Variants in KHDRBS2 observed in about 807,000 individuals in gnomAD.
KHDRBS2 encodes KH domain-containing, RNA-binding, signal transduction-associated protein 2.
KHDRBS2 carries 26 observed loss-of-function variants against 44.3 expected under a neutral mutation model. That is an observed-to-expected ratio of 0.59 (90% CI 0.43 to 0.81). The LOEUF (loss-of-function observed/expected upper bound fraction) is 0.81. KHDRBS2 is among the 40% of genes least tolerant of loss of function. The pLI is 0.00. For synonymous variants in KHDRBS2, 194 were observed against 151.1 expected (o/e 1.28, Z -2.08); for missense variants, 476 against 433.1 (o/e 1.10, Z -0.88).
At chr6:61,993,869 A>T (rs1776665328) in intron 3 of KHDRBS2, among the ~76,000 whole-genome samples, 1 of 151,948 alleles carries the variant, frequency 6.6e-6, no homozygotes. Context: ...TCTTAAGGAA[A>T]CAAAAGATTT....
intron 6 of KHDRBS2, among the ~76,000 whole-genome samples, chr6:61,746,191 GT>G (rs1375773365): frequency 6.6e-6 from 1 of 152,094 alleles, no homozygotes; most frequent in Non-Finnish European, 1.5e-5. Context: ...AGATAAAATT[GT>G]TAATGCTGTC....
At chr6:62,111,714 T>C (rs146966043) in intron 2 of KHDRBS2, among the ~76,000 whole-genome samples, 1 of 152,158 alleles carries the variant, frequency 6.6e-6, no homozygotes, top group African/African-American at 2.4e-5. Context: ...AGACCCTATA[T>C]CTACAAAAAA....
At chr6:62,052,064 G>GA (rs1219126739) in intron 2 of KHDRBS2, among the ~76,000 whole-genome samples, 2 of 151,960 alleles carry the variant, frequency 1.3e-5, no homozygotes, top group Admixed American at 1.3e-4. Context: ...ACCCAGTACA[G>GA]AAAATCCTAT....
the KHDRBS2 span, among the ~76,000 whole-genome samples, chr6:61,626,721 G>T: frequency 6.6e-6 from 1 of 152,150 alleles, no homozygotes; most frequent in Non-Finnish European, 1.5e-5. Flanking sequence ...TCTATGTTCG[G>T]GTGGCTTTTC....
intron 2 of KHDRBS2, among the ~76,000 whole-genome samples, chr6:62,067,828 G>A (rs1166235845): frequency 7.3e-5 from 11 of 151,452 alleles, no homozygotes; most frequent in Admixed American, 2.0e-4. Flanking sequence ...TTTAAATACG[G>A]TCGTACAACA....
intron 3 of KHDRBS2, among the ~76,000 whole-genome samples, chr6:62,029,263 A>T (rs151251629): frequency 6.6e-6 from 1 of 152,088 alleles, no homozygotes; most frequent in Non-Finnish European, 1.5e-5. Flanking sequence ...GGAATACAGT[A>T]ACAAAATTTA....
At chr6:61,617,565 A>C in the KHDRBS2 span, among the ~76,000 whole-genome samples, 1 of 152,146 alleles carries the variant, frequency 6.6e-6, no homozygotes, top group Non-Finnish European at 1.5e-5. Context: ...GATTAGAATT[A>C]AATGTTAAAA....
rs1582770757 is a variant in KHDRBS2, at chr6:61,775,509, G to C, written c.811-42745C>G. ...CTTATACAGCAATAACAGACAAACA[G>C]AGAGCCAAATCATGAGTGAACTCCC... On this transcript the variant is annotated intron_variant, in intron 6 of 8. Coordinates refer to ENST00000281156, the MANE Select transcript of KHDRBS2 (RefSeq NM_152688.4). Among the ~76,000 whole-genome samples, 3 of 152,188 alleles carry C rather than the reference G, an allele frequency of 2.0e-5. No individual in the cohort carries two copies. In the East Asian group the frequency reaches 5.8e-4, roughly 29 times the overall value.
chr6:61,703,449 T>C (rs1400539170), intron 7 of KHDRBS2, among the ~76,000 whole-genome samples: 6 of 151,862 alleles, frequency 4.0e-5, no homozygotes, highest in Non-Finnish European at 7.4e-5. Flanking sequence ...TAACTATTTT[T>C]AGCATTTAAG....
At chr6:62,053,498 T>C (rs564085119) in intron 2 of KHDRBS2, among the ~76,000 whole-genome samples, 1 of 152,024 alleles carries the variant, frequency 6.6e-6, no homozygotes, top group Non-Finnish European at 1.5e-5. Context: ...CTAATTGTAA[T>C]TTACCCATTA....
the KHDRBS2 span, among the ~76,000 whole-genome samples, chr6:61,667,867 C>A: frequency 2.0e-5 from 3 of 150,944 alleles, no homozygotes; most frequent in Admixed American, 6.6e-5. Context: ...TATGTGGATT[C>A]AATAAATCAT....
At chr6:61,951,864 C>G (rs1269771645) in intron 4 of KHDRBS2, among the ~76,000 whole-genome samples, 1 of 151,714 alleles carries the variant, frequency 6.6e-6, no homozygotes. Flanking sequence ...TGCTGTCAGA[C>G]AAGTTCAAAG....
intron 2 of KHDRBS2, among the ~76,000 whole-genome samples, chr6:62,100,232 C>A (rs1801549456): frequency 6.6e-6 from 1 of 152,140 alleles, no homozygotes; most frequent in Non-Finnish European, 1.5e-5. Flanking sequence ...GAAGATGTGA[C>A]TGAATTGTCA....
At chr6:62,152,874 A>C (rs182978984) in intron 2 of KHDRBS2, among the ~76,000 whole-genome samples, 1 of 152,312 alleles carries the variant, frequency 6.6e-6, no homozygotes, top group African/African-American at 2.4e-5. Flanking sequence ...TCTGAAATAA[A>C]CAAATTAATA....
chr6:61,769,628 G>GT (rs1016795604), intron 6 of KHDRBS2, among the ~76,000 whole-genome samples: 1 of 152,106 alleles, frequency 6.6e-6, no homozygotes, highest in South Asian at 2.1e-4. Flanking sequence ...AGCGAGGCTG[G>GT]GGGGGCGGCG....
intron 4 of KHDRBS2, among the ~76,000 whole-genome samples, chr6:61,905,690 AAT>A (rs1562412369): frequency 1.3e-5 from 2 of 152,136 alleles, no homozygotes; most frequent in East Asian, 3.9e-4. Context: ...TATCACAGAA[AAT>A]AGTTGATTTA....
the KHDRBS2 span, among the ~76,000 whole-genome samples, chr6:61,598,439 G>A: frequency 1.3e-5 from 2 of 152,156 alleles, no homozygotes; most frequent in Non-Finnish European, 2.9e-5. Flanking sequence ...TTTCTGTCCA[G>A]TTGTATTCTA....
At chr6:61,869,981 T>TGTTTGTTTTG (rs376408090) in intron 6 of KHDRBS2, among the ~76,000 whole-genome samples, 107 of 147,244 alleles carry the variant, frequency 7.3e-4, no homozygotes, top group Middle Eastern at 3.5e-3. Flanking sequence ...TTTTTTTTTT[T>TGTTTGTTTTG]TTTTTTCCCC....
chr6:61,686,273 C>T (rs1022909889), intron 8 of KHDRBS2, among the ~76,000 whole-genome samples: 3 of 151,692 alleles, frequency 2.0e-5, no homozygotes, highest in Non-Finnish European at 4.4e-5. Context: ...CCAAGTTAGT[C>T]TCTACCATTA....
Sources: allele counts gnomAD v4.1 joint callset (sites outside exome capture counted in the v4.1 genomes callset), GRCh38; gene constraint gnomAD v4.1.1; transcripts MANE v1.5; gene names NCBI Gene and HGNC (gene_info 2026-07-23, HGNC 2026-07-21).